Variants in STX11 observed in about 807,000 individuals in gnomAD.
STX11 encodes syntaxin 11, also known as syntaxin-11.
In STX11, 21 loss-of-function variants were observed where a neutral mutation model predicts 19.9. The ratio of observed to expected loss-of-function variants is 1.06; its 90% CI spans 0.75 to 1.52. The LOEUF (loss-of-function observed/expected upper bound fraction) is 1.52, where lower values mean the gene tolerates loss of function less well. STX11 is among the 40% of genes most tolerant of loss of function. The probability of loss-of-function intolerance (pLI) is 0.00; values close to 1 mark genes in which losing one functional copy is unlikely to be tolerated. For missense variants in STX11, 438 were observed against 405.9 expected (o/e 1.08, Z -0.68); for synonymous variants, 193 against 174.4 (o/e 1.11, Z -0.84).
Position 144,180,617 on chromosome 6 carries a change from C to T in STX11, c.-5-6006C>T, listed in dbSNP as rs1167287323. Among the ~76,000 whole-genome samples the T allele has an allele frequency of 2.0e-5, 3 of 152,174 alleles. No homozygotes were observed. Among genetic ancestry groups the T allele is most frequent in the African/African-American group, 7.2e-5 (3 of 41,424 alleles). On this transcript the variant is annotated intron_variant, in intron 1 of 1. Transcript: ENST00000367568. The surrounding 1 kb of genome is among the most constrained non-coding windows in gnomAD (Gnocchi z 5.3). ...TCACCTCCCACTATGACTCTGGGGC[C>T]TCCCCAGCCATGTGGTACTATAAGT... is the stretch of plus-strand genomic sequence containing the variant.
rs1450895626 is a variant in STX11 at position 144,159,358 on chromosome 6, A to G, written c.-6+8655A>G. Among the ~76,000 whole-genome samples the G allele has an allele frequency of 6.6e-6, 1 of 152,228 alleles. No homozygotes were observed. Among genetic ancestry groups the G allele is most frequent in the Non-Finnish European group, 1.5e-5 (1 of 68,030 alleles). On this transcript the variant is annotated intron_variant, in intron 1 of 1. Transcript: ENST00000367568. The surrounding 1 kb of genome is among the most constrained non-coding windows in gnomAD (Gnocchi z 4.3). The stretch of plus-strand genomic sequence containing the variant: ...ACCAGAAAAAGCGAAGTGAAATTAT[A>G]GAGCTGGAAACCCAGCCTAGTCTAA...
chr6:144,164,390 C>A (rs1801424307), intron 1 of STX11, among the ~76,000 whole-genome samples: 1 of 152,096 alleles, frequency 6.6e-6, no homozygotes, highest in South Asian at 2.1e-4. Flanking sequence ...GTTAACGGTA[C>A]TTAAAATTGT....
chr6:144,155,929 T>A lies in STX11; in HGVS notation c.-6+5226T>A, dbSNP rs1369074203. ...CCCTTCTTGAGCTAATTAAATGTGT[T>A]TTAAAATTTAATCTTTCTTTCTTTC... is the stretch of plus-strand genomic sequence containing the variant. On this transcript the variant is annotated intron_variant, in intron 1 of 1. Transcript: ENST00000367568. The surrounding 1 kb of genome is among the most constrained non-coding windows in gnomAD (Gnocchi z 4.5). Among the ~76,000 whole-genome samples, 3 of 149,466 alleles carry A rather than the reference T, an allele frequency of 2.0e-5. No homozygotes were observed. The highest frequency in any genetic ancestry group is 4.4e-5 in the Non-Finnish European group (3 of 67,984).
Position 144,155,854 on chromosome 6 carries a change from G to C in STX11, c.-6+5151G>C, listed in dbSNP as rs1428137732. On this transcript the variant is annotated intron_variant, in intron 1 of 1. Coordinates refer to ENST00000367568, the MANE Select transcript of STX11 (RefSeq NM_003764.4). This position sits in a 1 kb window ranked among gnomAD's most constrained non-coding sequence, Gnocchi z 4.5. ...AACTTCTTTGTAAGGCTCAGTAATTGGGTAATTTTTAGAATGATGTAGAGT... is the reference window on the plus strand; with the variant it reads ...AACTTCTTTGTAAGGCTCAGTAATTCGGTAATTTTTAGAATGATGTAGAGT... Among the ~76,000 whole-genome samples the C allele has an allele frequency of 6.6e-6, 1 of 152,056 alleles. No individual in the cohort carries two copies. Among genetic ancestry groups the C allele is most frequent in the Non-Finnish European group, 1.5e-5 (1 of 68,004 alleles).
rs1801299438 is a variant in STX11 at position 144,160,216 on chromosome 6, G to A, written c.-6+9513G>A. Among the ~76,000 whole-genome samples, 1 of 152,064 alleles carries A rather than the reference G, an allele frequency of 6.6e-6. No individual in the cohort carries two copies. Among genetic ancestry groups the A allele is most frequent in the Non-Finnish European group, 1.5e-5 (1 of 68,008 alleles). ...GACGGGGTTTCACTATATTTGGCCA[G>A]GCTGGTCTCGAACTCCTGACCTCAG... On this transcript the variant is annotated intron_variant, in intron 1 of 1. Transcript: ENST00000367568. The surrounding 1 kb of genome is among the most constrained non-coding windows in gnomAD (Gnocchi z 4.3).
At chr6:144,161,909 T>G (rs1801352104) in intron 1 of STX11, among the ~76,000 whole-genome samples, 3 of 152,240 alleles carry the variant, frequency 2.0e-5, no homozygotes, top group African/African-American at 7.2e-5. Context: ...CTCTTTTTTC[T>G]TTCTTTCTCT....
chr6:144,169,135 CCTGTCATAGCCAGATTACACTT>C lies in STX11; in HGVS notation c.-5-17487_-5-17466del, dbSNP rs1801560731. 6.6e-6 allele frequency among the ~76,000 whole-genome samples: 1 copy of C among 152,204 alleles called. No homozygotes were observed. The highest frequency in any genetic ancestry group is 2.4e-5 in the African/African-American group (1 of 41,442). ...GAAACAGCAAAGACACAAGCTTTTGCCTGTCATAGCCAGATTACACTTATGCATGCCTGCTGCATCAGCACAT... is the reference window on the plus strand; with the variant it reads ...GAAACAGCAAAGACACAAGCTTTTGCATGCATGCCTGCTGCATCAGCACAT... On this transcript the variant is annotated intron_variant, in intron 1 of 1. Coordinates refer to ENST00000367568, the MANE Select transcript of STX11 (RefSeq NM_003764.4). This position sits in a 1 kb window ranked among gnomAD's most constrained non-coding sequence, Gnocchi z 5.2.
rs540667508 is a variant in STX11 at position 144,177,191 on chromosome 6, A to G, written c.-5-9432A>G. On this transcript the variant is annotated intron_variant, in intron 1 of 1. Transcript: ENST00000367568. This position sits in a 1 kb window ranked among gnomAD's most constrained non-coding sequence, Gnocchi z 4.4. The stretch of plus-strand genomic sequence containing the variant: ...ATACTTCATGGAATAGTTACAAAAT[A>G]TAAAGGAATTACTTAAAGGCATATA... Among the ~76,000 whole-genome samples, 1 of 152,386 alleles carries G rather than the reference A, an allele frequency of 6.6e-6. No homozygotes were observed. The highest frequency in any genetic ancestry group is 2.1e-4 in the South Asian group (1 of 4,828).
intron 1 of STX11, among the ~76,000 whole-genome samples, chr6:144,166,769 G>T (rs554193593): frequency 1.3e-5 from 2 of 151,910 alleles, no homozygotes; most frequent in Non-Finnish European, 2.9e-5. Context: ...GATGTGATCC[G>T]CCCGCCTTGG....
At chr6:144,143,152 T>C in the STX11 span, among the ~76,000 whole-genome samples, 2 of 152,332 alleles carry the variant, frequency 1.3e-5, no homozygotes, top group African/African-American at 2.4e-5. Flanking sequence ...TCTGGGAATA[T>C]ATTTCTAGTC....
intron 1 of STX11, among the ~76,000 whole-genome samples, chr6:144,161,858 G>A (rs888240432): frequency 2.0e-5 from 3 of 152,228 alleles, no homozygotes; most frequent in African/African-American, 7.2e-5. Flanking sequence ...GTAAGGGGCT[G>A]GACCTCTAAG....
upstream of STX11, among the ~76,000 whole-genome samples, chr6:144,149,540 G>C (rs77135823): frequency 0.029 from 4,387 of 152,154 alleles, 193 homozygotes; most frequent in East Asian, 0.091. This position sits in a 1 kb window ranked among gnomAD's most constrained non-coding sequence, Gnocchi z 5.1. Flanking sequence ...ACAGTGGCGC[G>C]ATCTCGGCTC....
At chr6:144,147,176 A>C (rs1584001555), upstream of STX11, among the ~76,000 whole-genome samples, 1 of 151,670 alleles carries the variant, frequency 6.6e-6, no homozygotes, top group East Asian at 2.0e-4. This position sits in a 1 kb window ranked among gnomAD's most constrained non-coding sequence, Gnocchi z 4.2. Context: ...AAAAAAAAAA[A>C]AAACTGCTTT....
At chr6:144,148,480 C>G (rs774092188), upstream of STX11, among the ~76,000 whole-genome samples, 4 of 151,882 alleles carry the variant, frequency 2.6e-5, no homozygotes, top group Non-Finnish European at 5.9e-5. Flanking sequence ...TTTTTAGAAC[C>G]GTTTTAGATT....
At chr6:144,140,628 G>A in the STX11 span, 3 of 430,106 alleles carry the variant, frequency 7.0e-6, no homozygotes, top group Non-Finnish European at 9.3e-6. Flanking sequence ...CAGGGTCATG[G>A]AAGGTTGCTA....
chr6:144,149,785 C>T (rs1454799718), upstream of STX11, among the ~76,000 whole-genome samples: 1 of 152,186 alleles, frequency 6.6e-6, no homozygotes, highest in Admixed American at 6.5e-5. The surrounding 1 kb of genome is among the most constrained non-coding windows in gnomAD (Gnocchi z 5.1). Context: ...CCGATTTTTC[C>T]TTTTTTGAGT....
chr6:144,166,741 G>T (rs1241908719), intron 1 of STX11, among the ~76,000 whole-genome samples: 1 of 150,462 alleles, frequency 6.6e-6, no homozygotes, highest in Non-Finnish European at 1.5e-5. Flanking sequence ...GGCCAGGCTG[G>T]TCTCAAACTC....
chr6:144,185,144 C>A (rs1801994371), intron 1 of STX11, among the ~76,000 whole-genome samples: 1 of 152,138 alleles, frequency 6.6e-6, no homozygotes, highest in South Asian at 2.1e-4. Context: ...TTAAAAATCA[C>A]CATCATAGAA....
At chr6:144,140,981 A>G in the STX11 span, among the ~76,000 whole-genome samples, 26 of 152,238 alleles carry the variant, frequency 1.7e-4, no homozygotes, top group Non-Finnish European at 3.4e-4. Context: ...CTAAACTAAT[A>G]TCTGTAAAAG....
Sources: allele counts gnomAD v4.1 joint callset (sites outside exome capture counted in the v4.1 genomes callset), GRCh38; gene constraint gnomAD v4.1.1; non-coding constraint Gnocchi (gnomAD v3.1); transcripts MANE v1.5; gene names NCBI Gene and HGNC (gene_info 2026-07-23, HGNC 2026-07-21).